OPRM1: variants seen among roughly 807,000 people sequenced by gnomAD.
OPRM1 encodes the protein mu-type opioid receptor.
A neutral mutation model predicts 31.8 loss-of-function variants in OPRM1; 27 were observed. The observed-to-expected ratio is 0.85, with a 90% CI of 0.63 to 1.17. OPRM1 has a LOEUF of 1.17. Ranked by LOEUF, OPRM1 falls within the 50% of genes most tolerant of loss-of-function variation. OPRM1 has a pLI of 0.00. For synonymous variants in OPRM1, 196 were observed against 189.9 expected, an observed-to-expected ratio of 1.03 and a Z score of -0.26; for missense variants, 536 against 511.1, an observed-to-expected ratio of 1.05 and a Z score of -0.47.
chr6:154,147,248 T>C (rs1263548490), intron 3 of OPRM1, among the ~76,000 whole-genome samples: 1 of 152,190 alleles, frequency 6.6e-6, no homozygotes, highest in Non-Finnish European at 1.5e-5. Context: ...CAACACCCAG[T>C]GGAGTCCATC....
exon 4 of OPRM1, chr6:154,246,818 A>G: frequency 6.5e-7 from 1 of 1,531,108 alleles, no homozygotes; most frequent in South Asian, 1.3e-5. Flanking sequence ...TAGGTAAAGT[A>G]TTATCCTGAT....
chr6:154,106,604 CA>C (rs1795609544), intron 3 of OPRM1, among the ~76,000 whole-genome samples: 1 of 152,226 alleles, frequency 6.6e-6, no homozygotes, highest in Non-Finnish European at 1.5e-5. Flanking sequence ...ATATCTGAGG[CA>C]TTTTTGGACT....
At chr6:154,068,181 C>G (rs1449760521) in intron 1 of OPRM1, among the ~76,000 whole-genome samples, 2 of 152,070 alleles carry the variant, frequency 1.3e-5, no homozygotes, top group Non-Finnish European at 2.9e-5. Flanking sequence ...AGTATACATG[C>G]ATTCTGGGAT....
chr6:154,112,218 A>G (rs955613030), intron 3 of OPRM1, among the ~76,000 whole-genome samples: 27 of 152,308 alleles, frequency 1.8e-4, no homozygotes, highest in South Asian at 4.1e-4. Context: ...CAGAAAAGAA[A>G]CCCAGCTTTA....
chr6:154,089,010 C>G (rs899103221), intron 1 of OPRM1, among the ~76,000 whole-genome samples: 1 of 152,172 alleles, frequency 6.6e-6, no homozygotes, highest in Non-Finnish European at 1.5e-5. Flanking sequence ...TTCCAGGATG[C>G]CTTCCACATC....
At chr6:154,109,788 C>CTGTG (rs1462157057) in intron 3 of OPRM1, among the ~76,000 whole-genome samples, 1,175 of 103,746 alleles carry the variant, frequency 0.011, 15 homozygotes, top group African/African-American at 0.027. Flanking sequence ...CTCTCTCTCT[C>CTGTG]TCTCTGTGTG....
intron 3 of OPRM1, among the ~76,000 whole-genome samples, chr6:154,169,599 A>C (rs534110373): frequency 6.6e-6 from 1 of 152,302 alleles, no homozygotes; most frequent in South Asian, 2.1e-4. Flanking sequence ...GGAGAGAAGA[A>C]ACCTGTCTGT....
chr6:154,019,737 CTTTTCTTTTCTTTTT>C (rs1778236841), intron 1 of OPRM1, among the ~76,000 whole-genome samples: 1 of 138,110 alleles, frequency 7.2e-6, no homozygotes, highest in South Asian at 2.2e-4. Flanking sequence ...GCTTTCTTTT[CTTTTCTTTTCTTTTT>C]TTTTTTTTTT....
intron 3 of OPRM1, among the ~76,000 whole-genome samples, chr6:154,239,383 A>C (rs6931641): frequency 0.14 from 20,601 of 152,268 alleles, 1,582 homozygotes; most frequent in Non-Finnish European, 0.17. Context: ...GACAATAAAT[A>C]AACTAAATGT....
rs1791949549 is a variant in OPRM1, at chr6:154,090,824, C to CA, written c.644-126dup. 3.9e-6 allele frequency: 3 copies of CA among 777,528 alleles called. No individual in the cohort carries two copies. The East Asian group carries it at 7.8e-5, about 20-fold the overall frequency. The allele number at this position is 777,528 out of a possible 1,614,324, so 48.2% of individuals were successfully genotyped here. A position where few individuals can be genotyped will look rare whatever the true frequency, so the allele number is the denominator to read the frequency against. On this transcript the variant is annotated intron_variant, in intron 2 of 3. Coordinates refer to ENST00000330432, the MANE Select transcript of OPRM1 (RefSeq NM_000914.5). ...GTAACAAACAACTGAGTTTCTTCCA[C>CA]AATTTCTTTATAGCCTTAAGTTAGC...
chr6:154,194,061 C>T (rs753531714), intron 3 of OPRM1, among the ~76,000 whole-genome samples: 17 of 152,318 alleles, frequency 1.1e-4, no homozygotes, highest in South Asian at 2.1e-4. Context: ...GCGTACTTAA[C>T]GCCCAGGGCA....
At chr6:154,016,781 G>T (rs1468759876) in intron 1 of OPRM1, among the ~76,000 whole-genome samples, 2 of 152,198 alleles carry the variant, frequency 1.3e-5, no homozygotes, top group East Asian at 3.8e-4. Flanking sequence ...CATACGTGTG[G>T]ACTGTATTTT....
chr6:154,172,828 G>A lies in OPRM1; in HGVS notation c.1165-73865G>A, dbSNP rs530535838. 2.6e-5 allele frequency among the ~76,000 whole-genome samples: 4 copies of A among 152,338 alleles called. No homozygotes were observed. In the South Asian group the frequency reaches 8.3e-4, roughly 32 times the overall value. On this transcript the variant is annotated intron_variant, in intron 3 of 3. Transcript: ENST00000337049. Reference sequence around the variant, plus strand: ...CAGTGGTTCTCCCAGCACGGCATTCGATCTCTGATAACGGACAGACCACTT... The same window carrying A: ...CAGTGGTTCTCCCAGCACGGCATTCAATCTCTGATAACGGACAGACCACTT...
chr6:154,042,130 C>T (rs187929559), intron 1 of OPRM1, among the ~76,000 whole-genome samples: 42 of 152,324 alleles, frequency 2.8e-4, no homozygotes, highest in Admixed American at 9.8e-4. Context: ...TCATCCCAAA[C>T]ACCCACCTGT....
intron 1 of OPRM1, among the ~76,000 whole-genome samples, chr6:154,041,981 GAGTT>G (rs1337861248): frequency 6.6e-6 from 1 of 152,124 alleles, no homozygotes; most frequent in Non-Finnish European, 1.5e-5. Flanking sequence ...CTGGTTGGGT[GAGTT>G]AGTTTTAAAG....
At position 154,236,836 on chromosome 6, in the gene OPRM1, G is replaced by A. The variant is rs547169800; in HGVS notation, c.1165-9857G>A. On this transcript the variant is annotated intron_variant, in intron 3 of 3. Transcript: ENST00000337049. ...TCAGGGTAGAATTAAAATTGGGTGC[G>A]TTCTCTTTCAAGGGAATGTAGAGAT... is the stretch of plus-strand genomic sequence containing the variant. 1.4e-4 allele frequency among the ~76,000 whole-genome samples: 22 copies of A among 152,256 alleles called. No individual in the cohort carries two copies. In the East Asian group the frequency reaches 1.9e-3, roughly 13 times the overall value.
At chr6:154,214,389 A>G (rs1387478404) in intron 3 of OPRM1, 2 of 795,402 alleles carry the variant, frequency 2.5e-6, no homozygotes, top group Non-Finnish European at 2.3e-6. Context: ...CAGTCTGCAC[A>G]TTTCCAGAAA....
At chr6:154,103,535 A>G (rs618207) in intron 3 of OPRM1, among the ~76,000 whole-genome samples, 107,448 of 151,996 alleles carry the variant, frequency 0.71, 38,297 homozygotes, top group East Asian at 0.9. Context: ...TCTAGGTAAT[A>G]GTACAATGAG....
intron 3 of OPRM1, among the ~76,000 whole-genome samples, chr6:154,167,265 A>G (rs2128553338): frequency 6.6e-6 from 1 of 152,368 alleles, no homozygotes; most frequent in South Asian, 2.1e-4. Context: ...CACTTTTGTT[A>G]TGAAGAACCA....
Sources: gnomAD v4.1 joint callset for allele counts (sites outside exome capture counted in the v4.1 genomes callset) on GRCh38, gnomAD v4.1.1 for gene constraint, MANE v1.5 for transcripts, NCBI Gene and HGNC (gene_info 2026-07-23, HGNC 2026-07-21) for gene names.